Variants in KDM1B observed in about 807,000 individuals in gnomAD.
KDM1B encodes lysine-specific histone demethylase 2.
KDM1B carries 63 observed loss-of-function variants against 107.4 expected under a neutral mutation model. The ratio of observed to expected loss-of-function variants is 0.59; its 90% CI spans 0.48 to 0.72. The LOEUF (loss-of-function observed/expected upper bound fraction) is 0.72. Ranked by LOEUF, KDM1B falls within the 30% of genes least tolerant of loss-of-function variation. The pLI is 0.00. For synonymous variants in KDM1B, 363 were observed against 363.9 expected (o/e 1.00, Z 0.03); for missense variants, 749 against 1,020.8 (o/e 0.73, Z 3.63).
chr6:18,158,105 G>A (rs948713373), intron 2 of KDM1B, among the ~76,000 whole-genome samples: 1 of 151,998 alleles, frequency 6.6e-6, no homozygotes, highest in Non-Finnish European at 1.5e-5. Context: ...GAGCCACCGC[G>A]CTGGCCGGTG....
At chr6:18,199,566 G>A (rs952447817) in intron 12 of KDM1B, among the ~76,000 whole-genome samples, 15 of 152,120 alleles carry the variant, frequency 9.9e-5, no homozygotes, top group Non-Finnish European at 1.8e-4. Context: ...TGCAGGTGAC[G>A]TGCTGCCTGT....
intron 7 of KDM1B, among the ~76,000 whole-genome samples, chr6:18,182,546 C>T (rs1786548388): frequency 6.7e-6 from 1 of 148,902 alleles, no homozygotes; most frequent in Admixed American, 6.7e-5. Context: ...TTATTTCATT[C>T]TTTTTTTTTT....
At chr6:18,171,760 AG>A in intron 7 of KDM1B, among the ~76,000 whole-genome samples, 1 of 152,132 alleles carries the variant, frequency 6.6e-6, no homozygotes, top group Non-Finnish European at 1.5e-5. Context: ...AGCCACCTGT[AG>A]TCTAACTTCA....
chr6:18,158,334 A>G (rs1283214539), intron 2 of KDM1B, among the ~76,000 whole-genome samples: 1 of 151,938 alleles, frequency 6.6e-6, no homozygotes, highest in East Asian at 1.9e-4. Flanking sequence ...AAAAAAAAAA[A>G]AAAAAAAAAA....
At position 18,223,046 on chromosome 6, in the gene KDM1B, T is replaced by C. The variant is rs1789885915; in HGVS notation, c.*1054T>C. The C allele has an allele frequency of 6.6e-6, 1 of 152,534 alleles. No homozygotes were observed. The highest frequency in any genetic ancestry group is 1.5e-5 in the Non-Finnish European group (1 of 68,006). 9.4% of individuals were successfully genotyped at this position (152,534 alleles called of 1,614,324 possible). On this transcript the variant is annotated 3_prime_UTR_variant, in exon 22 of 22. Transcript: ENST00000650836. ...TTTATCTTTTTTTTAAAAACACTCA[T>C]GACAGAAAACAGTTTAATAATATCT...
chr6:18,181,871 A>T (rs1786505318), intron 7 of KDM1B, among the ~76,000 whole-genome samples: 1 of 152,186 alleles, frequency 6.6e-6, no homozygotes, highest in South Asian at 2.1e-4. Context: ...TAAATTATAT[A>T]ACACTTCCTT....
intron 10 of KDM1B, among the ~76,000 whole-genome samples, chr6:18,192,675 C>G (rs1252972748): frequency 6.7e-6 from 1 of 149,902 alleles, no homozygotes; most frequent in East Asian, 2.0e-4. Context: ...GACACTGAGG[C>G]AGGAGGATCG....
Position 18,212,396 on chromosome 6 carries a change from C to A in KDM1B, c.1867-92C>A. On this transcript the variant is annotated intron_variant, in intron 17 of 21. Coordinates refer to ENST00000650836, the MANE Select transcript of KDM1B (RefSeq NM_001364614.2). The surrounding 1 kb of genome is among the most constrained non-coding windows in gnomAD (Gnocchi z 5.2). ...TTGCACATGGCAGCCCTTGTTCTTGCCAGTATAACAGCATGGGTTGTTGAT... is the reference window on the plus strand; with the variant it reads ...TTGCACATGGCAGCCCTTGTTCTTGACAGTATAACAGCATGGGTTGTTGAT... The A allele has an allele frequency of 1.2e-6, 1 of 824,748 alleles. No homozygotes were observed. The allele number at this position is 824,748 out of a possible 1,614,324, so 51.1% of individuals were successfully genotyped here. A position where few individuals can be genotyped will look rare whatever the true frequency, so the allele number is the denominator to read the frequency against.
At position 18,191,690 on chromosome 6, in the gene KDM1B, A is replaced by G. The variant is rs113700379; in HGVS notation, c.969+309A>G. Among the ~76,000 whole-genome samples the G allele has an allele frequency of 0.04, 6,138 of 152,312 alleles. 135 individuals carry two copies. The highest frequency in any genetic ancestry group is 0.092 in the Middle Eastern group (27 of 294). The stretch of plus-strand genomic sequence containing the variant: ...TGAAAACCACCACTTTAGACCACAC[A>G]TAGTCAGAATGCTGACTCTCCAGTG... On this transcript the variant is annotated intron_variant, in intron 10 of 21. Transcript: ENST00000650836. This position sits in a 1 kb window ranked among gnomAD's most constrained non-coding sequence, Gnocchi z 5.1.
intron 20 of KDM1B, among the ~76,000 whole-genome samples, chr6:18,215,656 C>T (rs765469355): frequency 1.3e-5 from 2 of 151,988 alleles, no homozygotes; most frequent in African/African-American, 2.4e-5. Context: ...GAGGGAGACA[C>T]GGTTCTGCCT....
intron 7 of KDM1B, among the ~76,000 whole-genome samples, chr6:18,178,765 A>G (rs1463117533): frequency 3.3e-5 from 5 of 152,358 alleles, no homozygotes; most frequent in South Asian, 4.1e-4. Flanking sequence ...TGACTTGTAT[A>G]TTGGCCTTGT....
chr6:18,158,048 C>T (rs1582066525), intron 2 of KDM1B, among the ~76,000 whole-genome samples: 1 of 151,958 alleles, frequency 6.6e-6, no homozygotes, highest in African/African-American at 2.4e-5. Context: ...CTCCTGATGT[C>T]GTGATCCGCC....
At chr6:18,210,661 T>A (rs116982612) in intron 17 of KDM1B, among the ~76,000 whole-genome samples, 1 of 152,212 alleles carries the variant, frequency 6.6e-6, no homozygotes, top group East Asian at 1.9e-4. Context: ...GCACCTGGGC[T>A]ACTCAAGTTC....
rs987526837 is a variant in KDM1B, at chr6:18,197,257, T to C, written c.1146+24T>C. On this transcript the variant is annotated intron_variant, in intron 11 of 21. Coordinates refer to ENST00000650836, the MANE Select transcript of KDM1B (RefSeq NM_001364614.2). The surrounding 1 kb of genome is among the most constrained non-coding windows in gnomAD (Gnocchi z 4.5). ...ATGTAGGTGATTATAGCTTTAGCGA[T>C]AGCCTTGCCATTGATCAGGACAAAC... The C allele has an allele frequency of 2.5e-6, 4 of 1,601,358 alleles. No individual in the cohort carries two copies. Among genetic ancestry groups the C allele is most frequent in the Non-Finnish European group, 3.4e-6 (4 of 1,170,906 alleles).
intron 20 of KDM1B, among the ~76,000 whole-genome samples, chr6:18,217,033 A>G (rs996476105): frequency 6.6e-5 from 10 of 152,142 alleles, no homozygotes; most frequent in African/African-American, 1.7e-4. Context: ...GAGAATTCCA[A>G]CCTGTGATCC....
At chr6:18,194,254 A>T (rs565967064) in intron 10 of KDM1B, among the ~76,000 whole-genome samples, 1 of 152,258 alleles carries the variant, frequency 6.6e-6, no homozygotes, top group East Asian at 1.9e-4. Context: ...ACCTCAGGTG[A>T]TCCACCCGCC....
At chr6:18,164,464 G>A (rs753882189) in intron 5 of KDM1B, among the ~76,000 whole-genome samples, 3 of 151,974 alleles carry the variant, frequency 2.0e-5, no homozygotes, top group Non-Finnish European at 4.4e-5. Context: ...AAGCTCTGTT[G>A]TTAACATTGT....
intron 5 of KDM1B, among the ~76,000 whole-genome samples, chr6:18,164,420 C>T (rs761226735): frequency 6.6e-6 from 1 of 151,798 alleles, no homozygotes; most frequent in African/African-American, 2.4e-5. Flanking sequence ...TTGGTGGTAG[C>T]TCGAGCCACC....
chr6:18,210,752 A>G (rs1788803143), intron 17 of KDM1B, among the ~76,000 whole-genome samples: 1 of 152,130 alleles, frequency 6.6e-6, no homozygotes, highest in South Asian at 2.1e-4. Context: ...TAATCACAGC[A>G]CTTCGGGAGG....
Sources: gnomAD v4.1 joint callset for allele counts (sites outside exome capture counted in the v4.1 genomes callset) on GRCh38, gnomAD v4.1.1 for gene constraint, Gnocchi (gnomAD v3.1) non-coding constraint, MANE v1.5 for transcripts, NCBI Gene and HGNC (gene_info 2026-07-23, HGNC 2026-07-21) for gene names.